The following KRAS variants were observed in gnomAD, a reference collection of about 807,000 sequenced individuals.
KRAS encodes the protein GTPase KRas.
KRAS carries 1 observed loss-of-function variant against 21.0 expected under a neutral mutation model. The observed-to-expected ratio is 0.05, with a 90% CI of 0.02 to 0.23. The LOEUF (loss-of-function observed/expected upper bound fraction) is 0.23. Ranked by LOEUF, KRAS falls within the 10% of genes least tolerant of loss-of-function variation. The pLI is 1.00. For missense variants in KRAS, 107 were observed against 221.8 expected (o/e 0.48, Z 3.29); for synonymous variants, 67 against 72.5 (o/e 0.92, Z 0.39).
At position 25,206,625 on chromosome 12, in the gene KRAS, TC is replaced by T. The variant is rs1442300638; in HGVS notation, c.*3169del. The T allele has an allele frequency of 5.0e-6, 1 of 201,888 alleles. No individual in the cohort carries two copies. Among genetic ancestry groups the T allele is most frequent in the Non-Finnish European group, 1.0e-5 (1 of 98,338 alleles). 12.5% of individuals were successfully genotyped at this position (201,888 alleles called of 1,614,324 possible). A position where few individuals can be genotyped will look rare whatever the true frequency, so the allele number is the denominator to read the frequency against. On this transcript the variant is annotated 3_prime_UTR_variant, in exon 5 of 5. Transcript: ENST00000311936. ...CTGCAGTTCCTGAAGTATGGCCATTTCTTTCTCTGTGTAGAAACGAGGTACT... is the reference window on the plus strand; with the variant it reads ...CTGCAGTTCCTGAAGTATGGCCATTTTTTCTCTGTGTAGAAACGAGGTACT...
intron 4 of KRAS, chr12:25,215,670 T>C: frequency 1.1e-6 from 1 of 889,658 alleles, no homozygotes; most frequent in Non-Finnish European, 1.8e-6. Flanking sequence ...TTTTTTTTTT[T>C]TTAAACAGAC....
chr12:25,248,484 G>T (rs1951717263), intron 1 of KRAS, among the ~76,000 whole-genome samples: 1 of 151,906 alleles, frequency 6.6e-6, no homozygotes, highest in Non-Finnish European at 1.5e-5. Flanking sequence ...GGTCGTTAAG[G>T]CCAAAAAGTT....
chr12:25,220,021 C>T (rs1951302178), intron 4 of KRAS, among the ~76,000 whole-genome samples: 1 of 152,064 alleles, frequency 6.6e-6, no homozygotes, highest in Non-Finnish European at 1.5e-5. Flanking sequence ...AAATTGAGAC[C>T]CCCAGAGAGC....
chr12:25,212,694 T>C (rs1002227118), intron 4 of KRAS, among the ~76,000 whole-genome samples: 2 of 152,208 alleles, frequency 1.3e-5, no homozygotes, highest in African/African-American at 4.8e-5. Context: ...CACATAACAT[T>C]ATCTTTTTCA....
chr12:25,229,956 T>C (rs983446749), intron 2 of KRAS, among the ~76,000 whole-genome samples: 3 of 151,992 alleles, frequency 2.0e-5, no homozygotes, highest in African/African-American at 7.2e-5. Context: ...GTTTTTTTAG[T>C]AGAGATGGGG....
Position 25,208,380 on chromosome 12 carries a change from ATTTTT to A in KRAS, c.*1410_*1414del. ...TAAATTTATCAAAAGGATTGTTTTT[ATTTTT>A]ATTTTAAAGCATTATTAAATATGGA... On this transcript the variant is annotated 3_prime_UTR_variant, in exon 5 of 5. Coordinates refer to ENST00000311936, the MANE Select transcript of KRAS (RefSeq NM_004985.5). The A allele has an allele frequency of 8.6e-6, 2 of 233,050 alleles. No homozygotes were observed. The highest frequency in any genetic ancestry group is 1.7e-5 in the Non-Finnish European group (2 of 117,740). 14.4% of individuals were successfully genotyped at this position (233,050 alleles called of 1,614,324 possible). A position where few individuals can be genotyped will look rare whatever the true frequency, so the allele number is the denominator to read the frequency against.
chr12:25,227,498 T>A (rs1951408912), intron 2 of KRAS, 86 bp from the exon 3 acceptor site: 2 of 1,270,332 alleles, frequency 1.6e-6, no homozygotes, highest in African/African-American at 3.0e-5. Context: ...CAACAAAAAA[T>A]TCAATTTAAA....
At chr12:25,240,263 A>G (rs949843368) in intron 2 of KRAS, among the ~76,000 whole-genome samples, 3 of 152,308 alleles carry the variant, frequency 2.0e-5, no homozygotes, top group African/African-American at 7.2e-5. Flanking sequence ...AATGCTCTTA[A>G]GTATAAAGCC....
At chr12:25,241,128 T>C (rs781489980) in intron 2 of KRAS, among the ~76,000 whole-genome samples, 1 of 152,224 alleles carries the variant, frequency 6.6e-6, no homozygotes, top group African/African-American at 2.4e-5. Flanking sequence ...TATTTTCTTA[T>C]ATACTGCCTC....
At chr12:25,226,970 T>C (rs984565141) in intron 3 of KRAS, among the ~76,000 whole-genome samples, 19 of 152,158 alleles carry the variant, frequency 1.2e-4, no homozygotes, top group Admixed American at 7.9e-4. Flanking sequence ...TTTTGTAGAA[T>C]AGTCAAGAGT....
intron 1 of KRAS, among the ~76,000 whole-genome samples, chr12:25,248,148 A>T (rs979230345): frequency 1.3e-5 from 2 of 152,068 alleles, no homozygotes; most frequent in East Asian, 3.9e-4. Context: ...GATAAGAGCC[A>T]ATGTGCCCGG....
intron 4 of KRAS, chr12:25,211,290 G>T (rs891469698): frequency 6.6e-6 from 1 of 152,166 alleles, no homozygotes; most frequent in Non-Finnish European, 1.5e-5. Flanking sequence ...AAAATGTTAA[G>T]TGGGCGGGGT....
At chr12:25,217,081 C>G (rs781291637) in intron 4 of KRAS, among the ~76,000 whole-genome samples, 1 of 152,048 alleles carries the variant, frequency 6.6e-6, no homozygotes, top group Admixed American at 6.6e-5. Flanking sequence ...TTCTACTGAA[C>G]CAAATGTAAC....
At chr12:25,238,507 C>T (rs1006975005) in intron 2 of KRAS, among the ~76,000 whole-genome samples, 10 of 152,140 alleles carry the variant, frequency 6.6e-5, no homozygotes, top group African/African-American at 1.4e-4. Flanking sequence ...GAAAAATAAG[C>T]ATGAAATAAT....
At chr12:25,246,000 A>C (rs1484172352) in intron 1 of KRAS, among the ~76,000 whole-genome samples, 2 of 152,172 alleles carry the variant, frequency 1.3e-5, no homozygotes, top group Non-Finnish European at 1.5e-5. Context: ...TGGGGAAATA[A>C]AAATTTAAAC....
At chr12:25,210,187 G>A (rs1054850566) in intron 4 of KRAS, among the ~76,000 whole-genome samples, 15 of 152,092 alleles carry the variant, frequency 9.9e-5, no homozygotes, top group African/African-American at 3.6e-4. Flanking sequence ...TTTTTCACAG[G>A]AGAACTTAAT....
chr12:25,214,284 G>A lies in KRAS; in HGVS notation c.451-4373C>T, dbSNP rs571240655. ...ACAAAAGAAATTCAGGCAAGATGAC[G>A]TTTTTAGATATAAGACCAAAAAAGA... On this transcript the variant is annotated intron_variant, in intron 4 of 4. Coordinates refer to ENST00000311936, the MANE Select transcript of KRAS (RefSeq NM_004985.5). 3.3e-5 allele frequency among the ~76,000 whole-genome samples: 5 copies of A among 152,150 alleles called. No individual in the cohort carries two copies. The East Asian group carries it at 5.8e-4, about 18-fold the overall frequency.
intron 2 of KRAS, among the ~76,000 whole-genome samples, chr12:25,236,812 C>T (rs1222022705): frequency 6.6e-6 from 1 of 151,986 alleles, no homozygotes. Context: ...GTAAACAGTA[C>T]AATCACTACC....
intron 1 of KRAS, among the ~76,000 whole-genome samples, chr12:25,248,607 G>A (rs7299157): frequency 0.2 from 30,235 of 148,246 alleles, 3,355 homozygotes; most frequent in African/African-American, 0.3. Flanking sequence ...GTTGTTTCCA[G>A]AAAAAAAAAA....
Sources: allele counts gnomAD v4.1 joint callset (sites outside exome capture counted in the v4.1 genomes callset), GRCh38; gene constraint gnomAD v4.1.1; transcripts MANE v1.5; gene names NCBI Gene and HGNC (gene_info 2026-07-23, HGNC 2026-07-21).